The following STXBP6 variants were observed in gnomAD, a reference collection of about 807,000 sequenced individuals.
The protein encoded by STXBP6 is syntaxin binding protein 6.
STXBP6 carries 21 observed loss-of-function variants against 26.9 expected under a neutral mutation model. The observed-to-expected ratio is 0.78, with a 90% CI of 0.55 to 1.12. The LOEUF (loss-of-function observed/expected upper bound fraction) is 1.12, where lower values mean the gene tolerates loss of function less well. Among genes scored for constraint, STXBP6 ranks in the 50% most tolerant of loss-of-function variants. STXBP6 has a pLI of 0.00. For synonymous variants in STXBP6, 97 were observed against 92.6 expected (o/e 1.05, Z -0.27); for missense variants, 232 against 257.9 (o/e 0.90, Z 0.69).
chr14:24,952,152 G>A (rs2073191120), intron 2 of STXBP6, among the ~76,000 whole-genome samples: 1 of 151,462 alleles, frequency 6.6e-6, no homozygotes, highest in African/African-American at 2.4e-5. Context: ...CTAGTTACAT[G>A]GGGATTCATG....
chr14:24,897,002 T>C (rs1465360728), intron 2 of STXBP6, among the ~76,000 whole-genome samples: 1 of 152,200 alleles, frequency 6.6e-6, no homozygotes, highest in Non-Finnish European at 1.5e-5. Context: ...TGGGTTCTGC[T>C]AGTGTCTCTT....
chr14:24,967,527 C>A (rs2073772875), intron 2 of STXBP6, among the ~76,000 whole-genome samples: 1 of 152,120 alleles, frequency 6.6e-6, no homozygotes, highest in Admixed American at 6.5e-5. Context: ...CCTAGAAGAG[C>A]CAAATGCTCA....
intron 2 of STXBP6, among the ~76,000 whole-genome samples, chr14:24,889,738 A>G (rs2070726642): frequency 6.6e-6 from 1 of 152,220 alleles, no homozygotes; most frequent in Non-Finnish European, 1.5e-5. Flanking sequence ...ACGGGAAAAA[A>G]GTAAAAAGAA....
chr14:24,934,738 A>C (rs1021261660), intron 2 of STXBP6, among the ~76,000 whole-genome samples: 1 of 152,192 alleles, frequency 6.6e-6, no homozygotes, highest in Non-Finnish European at 1.5e-5. Context: ...AACTAATAAA[A>C]GCCAAGGGGC....
At chr14:24,945,042 C>T (rs1440514574) in intron 2 of STXBP6, among the ~76,000 whole-genome samples, 1 of 150,140 alleles carries the variant, frequency 6.7e-6, no homozygotes, top group Non-Finnish European at 1.5e-5. Flanking sequence ...CTAATCCATG[C>T]GTGATGTCTT....
At chr14:24,957,938 A>AG (rs2073395545) in intron 2 of STXBP6, among the ~76,000 whole-genome samples, 1 of 152,170 alleles carries the variant, frequency 6.6e-6, no homozygotes, top group South Asian at 2.1e-4. Context: ...TAGGCCATAG[A>AG]TTTTCCCCAG....
At chr14:24,905,507 T>A (rs1013165027) in intron 2 of STXBP6, among the ~76,000 whole-genome samples, 3 of 152,178 alleles carry the variant, frequency 2.0e-5, no homozygotes, top group Non-Finnish European at 4.4e-5. Flanking sequence ...TATTCCTGCC[T>A]GTCTAACAAA....
At chr14:24,934,619 G>A (rs567396604) in intron 2 of STXBP6, among the ~76,000 whole-genome samples, 1 of 152,232 alleles carries the variant, frequency 6.6e-6, no homozygotes, top group South Asian at 2.1e-4. Flanking sequence ...TCTGGGATAA[G>A]CATCAAATCC....
At chr14:24,955,909 G>A (rs902680874) in intron 2 of STXBP6, among the ~76,000 whole-genome samples, 8 of 152,234 alleles carry the variant, frequency 5.3e-5, no homozygotes, top group East Asian at 3.9e-4. Context: ...TTCAGCTTTC[G>A]AGCTGAGGAA....
At chr14:25,029,066 A>G (rs2075402166) in intron 1 of STXBP6, among the ~76,000 whole-genome samples, 2 of 152,308 alleles carry the variant, frequency 1.3e-5, no homozygotes, top group Non-Finnish European at 2.9e-5. Context: ...AGATGCTGTG[A>G]ACATTGTTGA....
At chr14:25,028,176 C>A (rs2075383362) in intron 1 of STXBP6, among the ~76,000 whole-genome samples, 1 of 152,138 alleles carries the variant, frequency 6.6e-6, no homozygotes, top group African/African-American at 2.4e-5. Context: ...ATCAGCTACA[C>A]CAAACAACAG....
chr14:24,920,172 A>G (rs1256967931), intron 2 of STXBP6, among the ~76,000 whole-genome samples: 2 of 152,114 alleles, frequency 1.3e-5, no homozygotes, highest in African/African-American at 4.8e-5. Context: ...CCTGGTACAC[A>G]GAAATCAAAC....
intron 4 of STXBP6, among the ~76,000 whole-genome samples, chr14:24,848,410 G>C (rs1176179898): frequency 2.0e-5 from 3 of 152,092 alleles, no homozygotes; most frequent in Non-Finnish European, 4.4e-5. Flanking sequence ...GTATATTTAT[G>C]TCTTCTGGTT....
intron 3 of STXBP6, 62 bp from the exon 4 acceptor site, chr14:24,856,163 C>G (rs2139174390): frequency 2.1e-6 from 3 of 1,460,438 alleles, no homozygotes; most frequent in Non-Finnish European, 2.7e-6. Flanking sequence ...TTCTAGATTA[C>G]TCCTGTCAAA....
intron 1 of STXBP6, among the ~76,000 whole-genome samples, chr14:25,015,827 A>G (rs367703373): frequency 8.6e-5 from 13 of 151,696 alleles, no homozygotes; most frequent in African/African-American, 2.2e-4. Context: ...TCAAACTGCT[A>G]CTTCTCCTGT....
At chr14:24,860,133 C>T (rs367997425) in intron 2 of STXBP6, among the ~76,000 whole-genome samples, 3 of 152,276 alleles carry the variant, frequency 2.0e-5, no homozygotes, top group East Asian at 3.9e-4. Flanking sequence ...AACTAATGGT[C>T]TAAAGAGCTC....
At chr14:24,895,611 G>A (rs2070959674) in intron 2 of STXBP6, among the ~76,000 whole-genome samples, 1 of 152,206 alleles carries the variant, frequency 6.6e-6, no homozygotes, top group African/African-American at 2.4e-5. Context: ...GTCATTCACA[G>A]ACATTCGAAG....
chr14:25,039,817 A>G (rs944076066), intron 1 of STXBP6, among the ~76,000 whole-genome samples: 6 of 150,746 alleles, frequency 4.0e-5, no homozygotes, highest in Non-Finnish European at 8.8e-5. Flanking sequence ...AGCAATTCTC[A>G]TGCCTCAGCC....
At chr14:24,865,697 A>C (rs2069693277) in intron 2 of STXBP6, among the ~76,000 whole-genome samples, 1 of 152,198 alleles carries the variant, frequency 6.6e-6, no homozygotes, top group Admixed American at 6.5e-5. Flanking sequence ...GAATACAGAT[A>C]AAAGTCCTGC....
Sources: allele counts gnomAD v4.1 joint callset (sites outside exome capture counted in the v4.1 genomes callset), GRCh38; gene constraint gnomAD v4.1.1; transcripts MANE v1.5; gene names NCBI Gene and HGNC (gene_info 2026-07-23, HGNC 2026-07-21).